FGD5: variants seen among roughly 807,000 people sequenced by gnomAD.
FGD5 encodes FYVE, RhoGEF and PH domain containing 5.
A neutral mutation model predicts 133.4 loss-of-function variants in FGD5; 28 were observed. The ratio of observed to expected loss-of-function variants is 0.21; its 90% CI spans 0.16 to 0.29. FGD5 has a LOEUF of 0.29. FGD5 is among the 10% of genes least tolerant of loss of function. The pLI is 1.00. For synonymous variants in FGD5, 810 were observed against 776.5 expected (o/e 1.04, Z -0.72); for missense variants, 1,858 against 1,895.2 (o/e 0.98, Z 0.36).
In FGD5 at chr3:14,835,499, CA is replaced by C. The variant is rs572373678; in HGVS notation, c.2525+13914del. ...CGGATGACAGAGTGAGACTCTGTCT[CA>C]AAAAAAAAAAGAAAAGAAAAGAAAA... On this transcript the variant is annotated intron_variant, in intron 1 of 19. Transcript: ENST00000285046. Among the ~76,000 whole-genome samples the C allele has an allele frequency of 5.9e-4, 75 of 126,292 alleles. 1 individual carries two copies. Among genetic ancestry groups the C allele is most frequent in the African/African-American group, 8.7e-4 (29 of 33,312 alleles). The allele number at this position is 126,292 out of a possible 152,430, so 82.9% of individuals were successfully genotyped here.
chr3:14,827,306 T>TG (rs71630868), intron 1 of FGD5, among the ~76,000 whole-genome samples: 7 of 146,734 alleles, frequency 4.8e-5, no homozygotes, highest in Non-Finnish European at 8.9e-5. Flanking sequence ...TTTTTTTTTT[T>TG]GAGACGGAGT....
chr3:14,887,476 G>A (rs1018647444), intron 4 of FGD5, among the ~76,000 whole-genome samples: 3 of 151,934 alleles, frequency 2.0e-5, no homozygotes, highest in Non-Finnish European at 4.4e-5. Context: ...TTAGGTTGCA[G>A]TGTACCTTGA....
At chr3:14,817,877 G>A (rs551035899), upstream of FGD5, among the ~76,000 whole-genome samples, 1 of 152,246 alleles carries the variant, frequency 6.6e-6, no homozygotes, top group African/African-American at 2.4e-5. Context: ...TTCTATGCCC[G>A]CAGTATGCAA....
At chr3:14,887,251 A>C (rs1475138038) in intron 4 of FGD5, among the ~76,000 whole-genome samples, 1 of 152,156 alleles carries the variant, frequency 6.6e-6, no homozygotes, top group Non-Finnish European at 1.5e-5. Flanking sequence ...CTTGAGGGCA[A>C]AGAGCTGGAC....
intron 9 of FGD5, 122 bp downstream of exon 9, chr3:14,901,183 C>A: frequency 9.4e-7 from 1 of 1,061,592 alleles, no homozygotes; most frequent in East Asian, 2.4e-5. Context: ...TCTTGTGGGA[C>A]TCTGCAGAGA....
At chr3:14,927,953 T>C (rs1276181786) in intron 18 of FGD5, among the ~76,000 whole-genome samples, 1 of 150,994 alleles carries the variant, frequency 6.6e-6, no homozygotes, top group African/African-American at 2.4e-5. Flanking sequence ...TTTTTAATTT[T>C]TTTTTTTGAG....
At chr3:14,823,963 A>G (rs1247432545) in intron 1 of FGD5, among the ~76,000 whole-genome samples, 2 of 152,250 alleles carry the variant, frequency 1.3e-5, no homozygotes, top group African/African-American at 2.4e-5. Context: ...CTGCGTGCCA[A>G]GCACTGTGCT....
intron 1 of FGD5, among the ~76,000 whole-genome samples, chr3:14,832,657 A>G (rs1293303185): frequency 1.3e-5 from 2 of 152,176 alleles, no homozygotes; most frequent in African/African-American, 4.8e-5. Context: ...TGATGGAGGT[A>G]GGACCAGAGG....
intron 8 of FGD5, among the ~76,000 whole-genome samples, chr3:14,900,683 T>G (rs1442374581): frequency 1.3e-5 from 2 of 152,058 alleles, no homozygotes; most frequent in African/African-American, 4.8e-5. Context: ...GGACATCCCG[T>G]CAGAGGGGAT....
chr3:14,847,203 C>T (rs1316671858), intron 1 of FGD5, among the ~76,000 whole-genome samples: 1 of 152,190 alleles, frequency 6.6e-6, no homozygotes, highest in African/African-American at 2.4e-5. Flanking sequence ...CGACCCCCAC[C>T]CGAAACACCT....
At chr3:14,915,526 G>C (rs1365526898) in intron 11 of FGD5, among the ~76,000 whole-genome samples, 1 of 152,180 alleles carries the variant, frequency 6.6e-6, no homozygotes, top group East Asian at 1.9e-4. Context: ...ACTATGTGTA[G>C]AGCGTTCACT....
At chr3:14,823,280 A>G (rs1035272183) in intron 1 of FGD5, among the ~76,000 whole-genome samples, 1 of 152,184 alleles carries the variant, frequency 6.6e-6, no homozygotes, top group Non-Finnish European at 1.5e-5. Context: ...CACCTCTAAC[A>G]GGTGCTTACC....
At chr3:14,890,384 T>C (rs2038003851) in intron 4 of FGD5, among the ~76,000 whole-genome samples, 1 of 152,198 alleles carries the variant, frequency 6.6e-6, no homozygotes, top group Non-Finnish European at 1.5e-5. Context: ...AGGGCAGAAG[T>C]GCATCTCTCC....
intron 4 of FGD5, among the ~76,000 whole-genome samples, chr3:14,895,042 T>C (rs1267321215): frequency 6.6e-6 from 1 of 152,230 alleles, no homozygotes; most frequent in Non-Finnish European, 1.5e-5. Context: ...TGCCCATTTT[T>C]AAATCGGATT....
In FGD5 at chr3:14,907,593, T is replaced by C. The variant is rs529096375; in HGVS notation, c.3265-47T>C. 3.2e-6 allele frequency: 5 copies of C among 1,571,934 alleles called. No individual in the cohort carries two copies. The Admixed American group carries it at 6.9e-5, about 22-fold the overall frequency. ...TGCCTTACAGAGGAGATAAGACGCC[T>C]GGTAGGGGCCCTGACCATCTCTCCC... On this transcript the variant is annotated intron_variant, in intron 9 of 19. Transcript: ENST00000285046.
intron 4 of FGD5, among the ~76,000 whole-genome samples, chr3:14,883,106 C>T (rs1575229987): frequency 6.6e-6 from 1 of 152,250 alleles, no homozygotes; most frequent in South Asian, 2.1e-4. Flanking sequence ...GTGCTTGTCA[C>T]ATGGTAGTTA....
At chr3:14,919,417 G>A (rs936074547) in intron 13 of FGD5, among the ~76,000 whole-genome samples, 1 of 152,136 alleles carries the variant, frequency 6.6e-6, no homozygotes, top group African/African-American at 2.4e-5. Flanking sequence ...ACAAGATCGA[G>A]GCCATCCTGG....
intron 9 of FGD5, among the ~76,000 whole-genome samples, chr3:14,904,218 TGCA>T (rs2038294751): frequency 6.6e-6 from 1 of 152,184 alleles, no homozygotes; most frequent in Non-Finnish European, 1.5e-5. Flanking sequence ...AGTCAGTTTG[TGCA>T]GCCCATTCTT....
At chr3:14,868,109 G>A (rs1575219121) in intron 2 of FGD5, among the ~76,000 whole-genome samples, 1 of 152,106 alleles carries the variant, frequency 6.6e-6, no homozygotes, top group East Asian at 1.9e-4. Flanking sequence ...AGGGAGAGAA[G>A]GAAAGCAAGA....
Sources: gnomAD v4.1 joint callset for allele counts (sites outside exome capture counted in the v4.1 genomes callset) on GRCh38, gnomAD v4.1.1 for gene constraint, MANE v1.5 for transcripts, NCBI Gene and HGNC (gene_info 2026-07-23, HGNC 2026-07-21) for gene names.